The following USP48 variants were observed in gnomAD, a reference collection of about 807,000 sequenced individuals.
The protein encoded by USP48 is ubiquitin carboxyl-terminal hydrolase 48.
Under a neutral mutation model 150.7 loss-of-function variants are expected in USP48, and 43 were observed. The ratio of observed to expected loss-of-function variants is 0.29; its 90% CI spans 0.22 to 0.37. The LOEUF is 0.37. Ranked by LOEUF, USP48 falls within the 10% of genes least tolerant of loss-of-function variation. USP48 has a pLI of 1.00. For synonymous variants in USP48, 396 were observed against 425.9 expected (o/e 0.93, Z 0.86); for missense variants, 813 against 1,249.6 (o/e 0.65, Z 5.27).
At chr1:21,742,638 G>A (rs181338244) in intron 8 of USP48, among the ~76,000 whole-genome samples, 52 of 151,916 alleles carry the variant, frequency 3.4e-4, no homozygotes, top group Admixed American at 1.4e-3. Context: ...TGAACAGAGC[G>A]GTAGAAATAA....
At chr1:21,749,943 A>G (rs777189532) in intron 6 of USP48, among the ~76,000 whole-genome samples, 12 of 152,040 alleles carry the variant, frequency 7.9e-5, no homozygotes, top group Non-Finnish European at 1.8e-4. Context: ...AATATATCTA[A>G]AAGCCAAATG....
intron 8 of USP48, among the ~76,000 whole-genome samples, chr1:21,739,898 C>T (rs547652714): frequency 9.3e-5 from 14 of 151,222 alleles, no homozygotes; most frequent in African/African-American, 2.7e-4. Flanking sequence ...TATATAGTAT[C>T]GATGAGATCA....
intron 11 of USP48, chr1:21,728,314 A>G (rs985183437): frequency 8.3e-7 from 1 of 1,206,638 alleles, no homozygotes; most frequent in Non-Finnish European, 1.0e-6. Context: ...TACAATACTC[A>G]TGGATGCAGA....
At chr1:21,765,552 G>A (rs531373923) in intron 1 of USP48, among the ~76,000 whole-genome samples, 159 of 151,826 alleles carry the variant, frequency 1.0e-3, no homozygotes, top group African/African-American at 3.6e-3. Context: ...GGGAGGCGGA[G>A]GTTGCAGTGA....
At chr1:21,684,963 G>C (rs945123087) in intron 25 of USP48, among the ~76,000 whole-genome samples, 4 of 152,176 alleles carry the variant, frequency 2.6e-5, no homozygotes, top group African/African-American at 9.6e-5. Context: ...TTTGAAACCA[G>C]GTAGCATGAT....
At chr1:21,747,695 C>A (rs1401487630) in intron 7 of USP48, among the ~76,000 whole-genome samples, 1 of 152,146 alleles carries the variant, frequency 6.6e-6, no homozygotes, top group African/African-American at 2.4e-5. Flanking sequence ...GCCTCAGCCT[C>A]CCCAGTAGCT....
chr1:21,707,039 AT>A, intron 15 of USP48, 171 bp from the exon 16 acceptor site: 1 of 814,070 alleles, frequency 1.2e-6, no homozygotes, highest in East Asian at 2.8e-5. Context: ...TGAATTTCCG[AT>A]TTCATTTTAA....
In USP48 at chr1:21,772,130, T is replaced by A. The variant is rs184942824; in HGVS notation, c.134+10694A>T. Among the ~76,000 whole-genome samples the A allele has an allele frequency of 5.9e-5, 9 of 152,182 alleles. No individual in the cohort carries two copies. In the East Asian group the frequency reaches 1.7e-3, roughly 29 times the overall value. On this transcript the variant is annotated intron_variant, in intron 1 of 26. Transcript: ENST00000308271. ...AATTAAATTATAAAAACATAAAGGTTGCATAAAAGTAAACCATCAGTACTA... is the reference window on the plus strand; with the variant it reads ...AATTAAATTATAAAAACATAAAGGTAGCATAAAAGTAAACCATCAGTACTA...
intron 9 of USP48, chr1:21,732,868 A>G (rs2097760164): frequency 6.5e-6 from 1 of 154,724 alleles, no homozygotes; most frequent in Admixed American, 6.5e-5. Context: ...AAGTTTCAGT[A>G]TTCATTATGT....
At chr1:21,770,976 A>T (rs2097878430) in intron 1 of USP48, among the ~76,000 whole-genome samples, 1 of 151,680 alleles carries the variant, frequency 6.6e-6, no homozygotes, top group Non-Finnish European at 1.5e-5. Context: ...ATACAAAAAA[A>T]TTAGCCAGGC....
intron 25 of USP48, among the ~76,000 whole-genome samples, chr1:21,683,483 C>T (rs1253998327): frequency 6.6e-6 from 1 of 152,074 alleles, no homozygotes; most frequent in Non-Finnish European, 1.5e-5. Flanking sequence ...CTCCCCGGCT[C>T]AAGCAATCCA....
intron 23 of USP48, among the ~76,000 whole-genome samples, chr1:21,694,604 A>AAC (rs1557429335): frequency 2.7e-5 from 2 of 74,610 alleles, no homozygotes; most frequent in Admixed American, 1.2e-4. Context: ...AAAAAAAAAA[A>AAC]AAACCCCCTC....
intron 24 of USP48, among the ~76,000 whole-genome samples, chr1:21,687,900 G>C (rs1192305720): frequency 2.6e-5 from 4 of 152,148 alleles, no homozygotes; most frequent in African/African-American, 9.7e-5. Context: ...ATACTTCCAG[G>C]AAATGCAGAA....
chr1:21,720,356 T>A (rs1310231857), intron 14 of USP48, among the ~76,000 whole-genome samples: 2 of 152,170 alleles, frequency 1.3e-5, no homozygotes, highest in South Asian at 4.1e-4. Flanking sequence ...CATGATAGGT[T>A]ATAAAGGAAA....
At chr1:21,776,471 C>T (rs2097898610) in intron 1 of USP48, among the ~76,000 whole-genome samples, 1 of 151,792 alleles carries the variant, frequency 6.6e-6, no homozygotes, top group Non-Finnish European at 1.5e-5. Context: ...TGTCTGGAAT[C>T]CCAGCAATTT....
chr1:21,773,077 T>G (rs2097886535), intron 1 of USP48, among the ~76,000 whole-genome samples: 1 of 149,812 alleles, frequency 6.7e-6, no homozygotes, highest in African/African-American at 2.5e-5. Flanking sequence ...GCCAACATAG[T>G]GAAACCCCTC....
chr1:21,707,193 A>G (rs2097675093), intron 15 of USP48, among the ~76,000 whole-genome samples: 1 of 152,156 alleles, frequency 6.6e-6, no homozygotes, highest in Non-Finnish European at 1.5e-5. Flanking sequence ...AGTAGTCAAA[A>G]ATGGGATTCC....
intron 15 of USP48, among the ~76,000 whole-genome samples, chr1:21,709,079 T>C (rs1192550139): frequency 6.6e-6 from 1 of 151,600 alleles, no homozygotes; most frequent in Admixed American, 6.6e-5. Flanking sequence ...CCGCCTAATA[T>C]TTTATTTTGT....
intron 25 of USP48, among the ~76,000 whole-genome samples, chr1:21,684,974 G>A (rs1043389535): frequency 1.3e-5 from 2 of 152,154 alleles, no homozygotes; most frequent in African/African-American, 4.8e-5. Context: ...GTAGCATGAT[G>A]CCTCCAGCTT....
Sources: gnomAD v4.1 joint callset for allele counts (sites outside exome capture counted in the v4.1 genomes callset) on GRCh38, gnomAD v4.1.1 for gene constraint, MANE v1.5 for transcripts, NCBI Gene and HGNC (gene_info 2026-07-23, HGNC 2026-07-21) for gene names.